The following REL variants were observed in gnomAD, a reference collection of about 807,000 sequenced individuals.
The protein encoded by REL is proto-oncogene c-Rel.
Under a neutral mutation model 45.9 loss-of-function variants are expected in REL, and 15 were observed. The observed-to-expected ratio is 0.33, with a 90% CI of 0.22 to 0.50. The LOEUF (loss-of-function observed/expected upper bound fraction) is 0.50, where lower values mean the gene tolerates loss of function less well. Among genes scored for constraint, REL ranks in the 20% least tolerant of loss-of-function variants. The probability of loss-of-function intolerance (pLI) is 0.98; values close to 1 mark genes in which losing one functional copy is unlikely to be tolerated. For synonymous variants in REL, 239 were observed against 242.1 expected, an observed-to-expected ratio of 0.99 and a Z score of 0.12; for missense variants, 601 against 715.2, an observed-to-expected ratio of 0.84 and a Z score of 1.82.
In REL at chr2:60,906,835, A is replaced by G. The variant is rs531627345; in HGVS notation, c.394+5752A>G. On this transcript the variant is annotated intron_variant, in intron 4 of 9. Transcript: ENST00000394479. ...TCCCAAAGTACCTGTGTGTGTGTGT[A>G]TATATATATGTGTGTGTATGTATGT... is the stretch of plus-strand genomic sequence containing the variant. Among the ~76,000 whole-genome samples, 7 of 142,696 alleles carry G rather than the reference A, an allele frequency of 4.9e-5. No homozygotes were observed. The East Asian group carries it at 7.9e-4, about 16-fold the overall frequency. 93.6% of individuals were successfully genotyped at this position (142,696 alleles called of 152,430 possible).
Position 60,924,530 on chromosome 2 carries a change from T to C in REL, c.*1995T>C. ...GTACATTCAAGTCCAGGAATAATAA[T>C]GGTCATCCAAATTGTTTGAAAGGAA... On this transcript the variant is annotated 3_prime_UTR_variant, in exon 10 of 10. Transcript: ENST00000394479. The C allele has an allele frequency of 4.6e-6, 1 of 215,924 alleles. No individual in the cohort carries two copies. The highest frequency in any genetic ancestry group is 6.9e-5 in the East Asian group (1 of 14,448). The allele number at this position is 215,924 out of a possible 1,614,324, so 13.4% of individuals were successfully genotyped here.
At chr2:60,905,538 T>C (rs1179009956) in intron 4 of REL, among the ~76,000 whole-genome samples, 16 of 152,204 alleles carry the variant, frequency 1.1e-4, no homozygotes, top group Non-Finnish European at 2.2e-4. Flanking sequence ...CCTGGGAATC[T>C]ACATTTTAAA....
At chr2:60,885,017 A>G (rs954479795) in intron 1 of REL, among the ~76,000 whole-genome samples, 3 of 152,174 alleles carry the variant, frequency 2.0e-5, no homozygotes, top group African/African-American at 7.2e-5. Flanking sequence ...CACATGAAAA[A>G]ATAGAAATAA....
intron 5 of REL, 139 bp from the exon 6 acceptor site, chr2:60,918,052 G>A: frequency 1.7e-6 from 1 of 592,038 alleles, no homozygotes; most frequent in Non-Finnish European, 3.0e-6. Flanking sequence ...ATAAATAGAT[G>A]ATTAATGTAT....
intron 4 of REL, among the ~76,000 whole-genome samples, chr2:60,906,893 G>GTGTATATATA (rs1372754896): frequency 1.6e-5 from 2 of 121,404 alleles, no homozygotes; most frequent in Admixed American, 9.3e-5. Flanking sequence ...GTGTGTGTGT[G>GTGTATATATA]TATATATATA....
chr2:60,924,106 A>G lies in REL; in HGVS notation c.*1571A>G, dbSNP rs1674212090. On this transcript the variant is annotated 3_prime_UTR_variant, in exon 10 of 10. Coordinates refer to ENST00000394479, the MANE Select transcript of REL (RefSeq NM_001291746.2). ...TGCCTTGAATGTTGTTCTCCCAGAA[A>G]AATGCATAGTTCACTCTTACATCCT... The G allele has an allele frequency of 4.3e-6, 1 of 231,536 alleles. No homozygotes were observed. Among genetic ancestry groups the G allele is most frequent in the African/African-American group, 2.2e-5 (1 of 45,266 alleles). The allele number at this position is 231,536 out of a possible 1,614,324, so 14.3% of individuals were successfully genotyped here. A position where few individuals can be genotyped will look rare whatever the true frequency, so the allele number is the denominator to read the frequency against.
At position 60,918,587 on chromosome 2, in the gene REL, A is replaced by G. The variant is rs562343804; in HGVS notation, c.834A>G (p.Arg278=). 558 of 1,612,988 alleles carry G rather than the reference A, an allele frequency of 3.5e-4. 11 individuals carry two copies. In the South Asian group the frequency reaches 5.9e-3, roughly 17 times the overall value. ...DQEVSESMDF[R]YLPDEKDTYG... ...AAGTTAGTGAATCTATGGATTTTAG[A>G]TATCTGCCAGATGAAAAAGGTATGA... The change falls in exon 7 of 10, where the codon AGA becomes AGG. Residue 278 remains arginine (R), a synonymous_variant. Transcript: ENST00000394479.
rs1162966381 is a variant in REL at position 60,916,984 on chromosome 2, C to T, written c.502C>T (p.Pro168Ser). ...DEHGNLTTAL[P>S]PVVSNPIYDN... ...ACATGGTAATTTGACGACTGCTCTT[C>T]CTCCTGTTGTCTCGAACCCAATTTA... Residue 168 changes from proline (P) to serine (S), a missense_variant, in exon 5 of 10, where the codon CCT (proline) becomes TCT (serine). Pro to Ser is a moderately conservative substitution (Grantham distance 74). This residue lies in a region of REL where 241 missense variants were observed against 347.0 expected (regional missense o/e 0.69). Coordinates refer to ENST00000394479, the MANE Select transcript of REL (RefSeq NM_001291746.2). 6.2e-7 allele frequency: 1 copy of T among 1,613,310 alleles called. No individual in the cohort carries two copies. Among genetic ancestry groups the T allele is most frequent in the Non-Finnish European group, 8.5e-7 (1 of 1,179,556 alleles).
intron 2 of REL, among the ~76,000 whole-genome samples, chr2:60,892,073 A>G (rs1673229493): frequency 6.6e-6 from 1 of 152,126 alleles, no homozygotes; most frequent in Non-Finnish European, 1.5e-5. Context: ...TATTAACCTA[A>G]GTAGAGCGAC....
rs70959877 is a variant in REL at position 60,923,043 on chromosome 2, CAA to C, written c.*520_*521del. 2.1e-4 allele frequency: 18 copies of C among 85,036 alleles called. No individual in the cohort carries two copies. The highest frequency in any genetic ancestry group is 1.2e-3 in the East Asian group (6 of 5,002). 5.3% of individuals were successfully genotyped at this position (85,036 alleles called of 1,614,324 possible). A position where few individuals can be genotyped will look rare whatever the true frequency, so the allele number is the denominator to read the frequency against. On this transcript the variant is annotated 3_prime_UTR_variant, in exon 10 of 10. Coordinates refer to ENST00000394479, the MANE Select transcript of REL (RefSeq NM_001291746.2). ...TGGGTGACAGAGTGAGACTCTGTCT[CAA>C]AAAAAAAAAAACAAAAAAAACACAC...
Position 60,921,998 on chromosome 2 carries a change from A to T in REL, c.1227A>T (p.Gln409His). ...CAAGGACACTTCCTTCTAATTCGCA[A>T]GGTATCCCACCATTCCTGAGAATAC... ...FSTRTLPSNS[Q>H]GIPPFLRIPV... The change falls in exon 10 of 10, where the codon CAA (glutamine) becomes CAT (histidine). Residue 409 changes from glutamine (Q) to histidine (H), a missense_variant. Gln to His is a conservative substitution (Grantham distance 24). Transcript: ENST00000394479. 1 of 1,614,234 alleles carries T rather than the reference A, an allele frequency of 6.2e-7. No homozygotes were observed. Among genetic ancestry groups the T allele is most frequent in the East Asian group, 2.2e-5 (1 of 44,886 alleles).
chr2:60,904,871 C>T (rs541800105), intron 4 of REL, among the ~76,000 whole-genome samples: 4 of 152,226 alleles, frequency 2.6e-5, no homozygotes, highest in South Asian at 2.1e-4. Flanking sequence ...GCCTGAGCGA[C>T]GGAACAAGAC....
At chr2:60,909,668 C>T (rs910663889) in intron 4 of REL, among the ~76,000 whole-genome samples, 1 of 151,804 alleles carries the variant, frequency 6.6e-6, no homozygotes, top group Non-Finnish European at 1.5e-5. Context: ...TTTGGGAGGC[C>T]GAGATGGGCG....
intron 4 of REL, among the ~76,000 whole-genome samples, chr2:60,909,379 A>G (rs774031373): frequency 2.6e-5 from 4 of 152,160 alleles, no homozygotes; most frequent in African/African-American, 4.8e-5. Context: ...TACTTTATAT[A>G]CTTTTTAAGT....
rs1025200499 is a variant in REL at position 60,930,165 on chromosome 2, G to A, written c.*7630G>A. The A allele has an allele frequency of 1.3e-5, 2 of 152,268 alleles. No homozygotes were observed. Among genetic ancestry groups the A allele is most frequent in the Non-Finnish European group, 2.9e-5 (2 of 68,044 alleles). The allele number at this position is 152,268 out of a possible 1,614,324, so 9.4% of individuals were successfully genotyped here. On this transcript the variant is annotated 3_prime_UTR_variant, in exon 10 of 10. Coordinates refer to ENST00000394479, the MANE Select transcript of REL (RefSeq NM_001291746.2). ...CCCAGCCTGCTACCTAACAGGTTGT[G>A]TTGTACTAAATAAAATGGTACATAA...
Position 60,881,593 on chromosome 2 carries a change from G to C in REL, c.-248G>C, listed in dbSNP as rs1672935871. On this transcript the variant is annotated 5_prime_UTR_variant, in exon 1 of 10. Coordinates refer to ENST00000394479, the MANE Select transcript of REL (RefSeq NM_001291746.2). ...GCCAGCACTCGGCTCTCCCCGCTCCGCCCCCTGCCCCTGGCTCCCGTACGG... is the reference window on the plus strand; with the variant it reads ...GCCAGCACTCGGCTCTCCCCGCTCCCCCCCCTGCCCCTGGCTCCCGTACGG... 6.1e-6 allele frequency: 3 copies of C among 491,178 alleles called. No homozygotes were observed. Among genetic ancestry groups the C allele is most frequent in the African/African-American group, 2.0e-5 (1 of 48,996 alleles). The allele number at this position is 491,178 out of a possible 1,614,324, so 30.4% of individuals were successfully genotyped here.
chr2:60,904,313 A>T (rs966456419), intron 4 of REL, among the ~76,000 whole-genome samples: 6 of 151,824 alleles, frequency 4.0e-5, no homozygotes, highest in African/African-American at 1.5e-4. Flanking sequence ...GAAGCAGGAG[A>T]TTCGCTTGAA....
intron 4 of REL, among the ~76,000 whole-genome samples, chr2:60,904,960 A>G (rs534211559): frequency 7.2e-5 from 11 of 152,310 alleles, no homozygotes; most frequent in African/African-American, 1.4e-4. Flanking sequence ...GGATTTGAAC[A>G]TAGGGAGCCC....
chr2:60,893,598 T>A (rs1673276366), intron 2 of REL, among the ~76,000 whole-genome samples: 1 of 152,230 alleles, frequency 6.6e-6, no homozygotes, highest in African/African-American at 2.4e-5. Context: ...CTTGAGCAAT[T>A]ACCTTCTCTT....
Sources: gnomAD v4.1 joint callset for allele counts (sites outside exome capture counted in the v4.1 genomes callset) on GRCh38, gnomAD v4.1.1 for gene constraint, gnomAD v4.1.1 regional missense constraint, MANE v1.5 for transcripts, NCBI Gene and HGNC (gene_info 2026-07-23, HGNC 2026-07-21) for gene names.